The following RSRC1 variants were observed in gnomAD, a reference collection of about 807,000 sequenced individuals.
RSRC1 encodes arginine and serine rich coiled-coil 1.
A neutral mutation model predicts 49.1 loss-of-function variants in RSRC1; 39 were observed. The observed-to-expected ratio is 0.79, with a 90% confidence interval of 0.61 to 1.04. The LOEUF is 1.04. RSRC1 is among the 50% of genes least tolerant of loss of function. RSRC1 has a pLI of 0.00. For missense variants in RSRC1, 388 were observed against 402.4 expected (o/e 0.96, Z 0.31); for synonymous variants, 143 against 130.8 (o/e 1.09, Z -0.63).
intron 6 of RSRC1, among the ~76,000 whole-genome samples, chr3:158,382,089 T>G (rs1001861988): frequency 2.6e-5 from 4 of 152,212 alleles, no homozygotes; most frequent in African/African-American, 9.7e-5. Flanking sequence ...AAAAATTTTT[T>G]TAACTTTTTT....
rs189209112 is a variant in RSRC1 at position 158,246,260 on chromosome 3, G to T, written c.494+43015G>T. On this transcript the variant is annotated intron_variant, in intron 4 of 9. Coordinates refer to ENST00000611884, the MANE Select transcript of RSRC1 (RefSeq NM_001271838.2). Reference sequence around the variant, plus strand: ...CAGGGCCTGTTGTGGGGTGCGGGGAGGGGGGAGGGATGGCATTAGGAGATA... The same window carrying T: ...CAGGGCCTGTTGTGGGGTGCGGGGATGGGGGAGGGATGGCATTAGGAGATA... 8.0e-5 allele frequency among the ~76,000 whole-genome samples: 12 copies of T among 150,324 alleles called. No homozygotes were observed. In the East Asian group the frequency reaches 2.0e-3, roughly 25 times the overall value.
rs908165657 is a variant in RSRC1, at chr3:158,288,842, C to T, written c.495-9197C>T. Among the ~76,000 whole-genome samples the T allele has an allele frequency of 9.4e-5, 9 of 95,276 alleles. 1 individual carries two copies. In the East Asian group the frequency reaches 2.3e-3, roughly 25 times the overall value. The allele number at this position is 95,276 out of a possible 152,430, so 62.5% of individuals were successfully genotyped here. A position where few individuals can be genotyped will look rare whatever the true frequency, so the allele number is the denominator to read the frequency against. On this transcript the variant is annotated intron_variant, in intron 4 of 9. Transcript: ENST00000611884. ...TACAGATGCACGTTCCCCGCCCCCC[C>T]CCCCCCCAAATATTTTTGATCTGTG...
intron 6 of RSRC1, among the ~76,000 whole-genome samples, chr3:158,406,859 G>T (rs555727059): frequency 6.6e-6 from 1 of 152,172 alleles, no homozygotes. Context: ...TTTCCTTTCA[G>T]CAGTGATGTA....
intron 3 of RSRC1, among the ~76,000 whole-genome samples, chr3:158,192,717 C>T (rs1448837995): frequency 2.0e-5 from 3 of 151,998 alleles, no homozygotes; most frequent in South Asian, 2.1e-4. Flanking sequence ...CCAAATATTT[C>T]CTTTTATCCT....
chr3:158,332,894 G>A (rs1015012399), intron 5 of RSRC1, among the ~76,000 whole-genome samples: 4 of 150,838 alleles, frequency 2.7e-5, no homozygotes, highest in Admixed American at 2.6e-4. Flanking sequence ...AAAATTGACT[G>A]TTATGCTACT....
intron 4 of RSRC1, among the ~76,000 whole-genome samples, chr3:158,270,879 A>G (rs1166441049): frequency 2.0e-5 from 3 of 152,032 alleles, no homozygotes; most frequent in Admixed American, 1.3e-4. Flanking sequence ...TTTTTCCTCC[A>G]TCTTTTTACA....
intron 3 of RSRC1, among the ~76,000 whole-genome samples, chr3:158,175,778 A>G (rs777441407): frequency 3.6e-4 from 55 of 152,226 alleles, no homozygotes; most frequent in Middle Eastern, 3.2e-3. Flanking sequence ...CTTTTTACAT[A>G]GTGCCATATT....
chr3:158,425,668 ATGT>A (rs1735384607), intron 6 of RSRC1, among the ~76,000 whole-genome samples: 1 of 151,912 alleles, frequency 6.6e-6, no homozygotes, highest in African/African-American at 2.4e-5. Context: ...GATCTGTCTA[ATGT>A]TGACAGTGGG....
chr3:158,231,854 T>A (rs950730087), intron 4 of RSRC1, among the ~76,000 whole-genome samples: 4 of 152,136 alleles, frequency 2.6e-5, no homozygotes, highest in Admixed American at 6.6e-5. Context: ...AGTCTATTAC[T>A]TTACCGTACT....
chr3:158,323,741 G>A (rs1422818543), intron 5 of RSRC1, among the ~76,000 whole-genome samples: 1 of 152,002 alleles, frequency 6.6e-6, no homozygotes, highest in Non-Finnish European at 1.5e-5. Context: ...TTAGGTTTTT[G>A]TCTGCCTTTG....
intron 7 of RSRC1, among the ~76,000 whole-genome samples, chr3:158,524,205 G>A (rs892022135): frequency 6.6e-6 from 1 of 152,036 alleles, no homozygotes; most frequent in South Asian, 2.1e-4. Flanking sequence ...TTTTCAGTCA[G>A]AATTACATAA....
intron 4 of RSRC1, among the ~76,000 whole-genome samples, chr3:158,203,707 T>C (rs1721199039): frequency 6.6e-6 from 1 of 152,176 alleles, no homozygotes; most frequent in African/African-American, 2.4e-5. Context: ...TTACTATTGT[T>C]TAAGCCTTTT....
intron 7 of RSRC1, among the ~76,000 whole-genome samples, chr3:158,469,022 T>A (rs1190188216): frequency 6.6e-6 from 1 of 152,152 alleles, no homozygotes; most frequent in Non-Finnish European, 1.5e-5. Flanking sequence ...GTGACTCACT[T>A]CTTGTGTGTC....
intron 6 of RSRC1, among the ~76,000 whole-genome samples, chr3:158,376,425 G>A (rs1200272842): frequency 2.6e-5 from 4 of 151,918 alleles, no homozygotes; most frequent in East Asian, 3.9e-4. Context: ...GCCTCCCAAA[G>A]TGCTGGGATT....
At chr3:158,128,375 T>G (rs936845511) in intron 3 of RSRC1, among the ~76,000 whole-genome samples, 6 of 152,186 alleles carry the variant, frequency 3.9e-5, no homozygotes, top group Non-Finnish European at 8.8e-5. Flanking sequence ...TTCTTAACTG[T>G]TTTTTGAAGT....
At chr3:158,412,868 A>G (rs1734531233) in intron 6 of RSRC1, among the ~76,000 whole-genome samples, 1 of 152,118 alleles carries the variant, frequency 6.6e-6, no homozygotes, top group African/African-American at 2.4e-5. Context: ...GCTCTATATC[A>G]TGCTCACAGA....
At chr3:158,487,970 A>AAAAAAAC (rs1738898295) in intron 7 of RSRC1, among the ~76,000 whole-genome samples, 1 of 148,888 alleles carries the variant, frequency 6.7e-6, no homozygotes, top group African/African-American at 2.5e-5. Context: ...AAAAAAAAAA[A>AAAAAAAC]AAAACTGGCT....
At chr3:158,432,872 T>C (rs1232694931) in intron 6 of RSRC1, among the ~76,000 whole-genome samples, 4 of 151,860 alleles carry the variant, frequency 2.6e-5, no homozygotes, top group African/African-American at 4.8e-5. Flanking sequence ...TATATATATA[T>C]ACACACACAG....
intron 7 of RSRC1, among the ~76,000 whole-genome samples, chr3:158,499,343 C>T (rs891957835): frequency 3.9e-5 from 6 of 152,136 alleles, no homozygotes; most frequent in African/African-American, 1.4e-4. Context: ...TGCCACTGCA[C>T]TCCAGCCTGG....
Sources: gnomAD v4.1 joint callset for allele counts (sites outside exome capture counted in the v4.1 genomes callset) on GRCh38, gnomAD v4.1.1 for gene constraint, MANE v1.5 for transcripts, NCBI Gene and HGNC (gene_info 2026-07-23, HGNC 2026-07-21) for gene names.